The following PALM2AKAP2 variants were observed in gnomAD, a reference collection of about 807,000 sequenced individuals.
The protein encoded by PALM2AKAP2 is PALM2-AKAP2 fusion protein.
In PALM2AKAP2, 37 loss-of-function variants were observed where a neutral mutation model predicts 71.5. That is an observed-to-expected ratio of 0.52 (90% CI 0.40 to 0.68). The LOEUF (loss-of-function observed/expected upper bound fraction) is 0.68, where lower values mean the gene tolerates loss of function less well. Among genes scored for constraint, PALM2AKAP2 ranks in the 30% least tolerant of loss-of-function variants. The pLI is 0.00. For synonymous variants in PALM2AKAP2, 468 were observed against 478.8 expected, an observed-to-expected ratio of 0.98 and a Z score of 0.29; for missense variants, 1,224 against 1,191.8, an observed-to-expected ratio of 1.03 and a Z score of -0.40.
intron 1 of PALM2AKAP2, among the ~76,000 whole-genome samples, chr9:110,101,657 G>A (rs1835004199): frequency 6.6e-6 from 1 of 152,154 alleles, no homozygotes; most frequent in African/African-American, 2.4e-5. Context: ...TCATTGGGCA[G>A]CTGTTGCTGT....
rs201715579 is a variant in PALM2AKAP2, at chr9:110,168,386, C to T, written c.2749-13C>T. 5.3e-5 allele frequency: 86 copies of T among 1,609,810 alleles called. No homozygotes were observed. The East Asian group carries it at 1.9e-3, about 35-fold the overall frequency. ...CCATGAACTCTGCATAATTTTTTCC[C>T]CTCTCTTTACAGGTCCTCGAGGCCA... On this transcript the variant is annotated splice_polypyrimidine_tract_variant and intron_variant, in intron 3 of 3. Coordinates refer to ENST00000374525, the Ensembl canonical transcript of PALM2AKAP2.
At chr9:109,821,004 A>G (rs1564163921) in intron 1 of PALM2AKAP2, among the ~76,000 whole-genome samples, 1 of 152,202 alleles carries the variant, frequency 6.6e-6, no homozygotes, top group Non-Finnish European at 1.5e-5. Context: ...TCTAGATATA[A>G]CACAGCATCC....
At chr9:110,011,948 GAC>G (rs1832891851) in intron 6 of PALM2AKAP2, among the ~76,000 whole-genome samples, 1 of 152,204 alleles carries the variant, frequency 6.6e-6, no homozygotes, top group Non-Finnish European at 1.5e-5. Flanking sequence ...ATTACATCAT[GAC>G]ACAGCATAAT....
At chr9:110,140,077 T>C (rs1314258012) in intron 2 of PALM2AKAP2, among the ~76,000 whole-genome samples, 2 of 152,226 alleles carry the variant, frequency 1.3e-5, no homozygotes, top group African/African-American at 4.8e-5. Flanking sequence ...TTAATATACA[T>C]TTTGTAGGGC....
chr9:110,156,616 T>C (rs1012457367), intron 3 of PALM2AKAP2, 119 bp downstream of exon 9: 9 of 1,318,360 alleles, frequency 6.8e-6, no homozygotes, highest in Non-Finnish European at 8.9e-6. Flanking sequence ...AGGGTTCCAG[T>C]ATCAGTTTTC....
intron 6 of PALM2AKAP2, among the ~76,000 whole-genome samples, chr9:109,953,834 C>CAAAAAAA (rs34719180): frequency 3.1e-4 from 15 of 48,578 alleles, no homozygotes; most frequent in East Asian, 1.1e-3. Context: ...GACTCCATCT[C>CAAAAAAA]AAAAAAAAAA....
At chr9:110,092,741 T>G (rs192163217) in intron 1 of PALM2AKAP2, among the ~76,000 whole-genome samples, 2 of 152,310 alleles carry the variant, frequency 1.3e-5, no homozygotes, top group Non-Finnish European at 2.9e-5. Context: ...GTTATCCGCC[T>G]CTCTTTCCCC....
At chr9:109,924,268 A>G (rs539752146) in intron 4 of PALM2AKAP2, among the ~76,000 whole-genome samples, 1 of 152,356 alleles carries the variant, frequency 6.6e-6, no homozygotes, top group East Asian at 1.9e-4. Context: ...CACCTTATGA[A>G]GTGGACAAGA....
At chr9:109,931,833 C>T (rs1831108676) in intron 5 of PALM2AKAP2, 94 bp from the exon 6 acceptor site, 4 of 1,395,480 alleles carry the variant, frequency 2.9e-6, no homozygotes, top group Non-Finnish European at 4.0e-6. Flanking sequence ...CTCAGCGGTC[C>T]ATTATGTAGG....
At chr9:110,170,998 T>A (rs12685208) in exon 4 of PALM2AKAP2, 1 of 152,348 alleles carries the variant, frequency 6.6e-6, no homozygotes, top group Non-Finnish European at 1.5e-5. Flanking sequence ...ATGCGCTTCA[T>A]GTTTTCTCTG....
chr9:109,689,572 A>G (rs985306135), intron 1 of PALM2AKAP2, among the ~76,000 whole-genome samples: 1 of 152,228 alleles, frequency 6.6e-6, no homozygotes, highest in Non-Finnish European at 1.5e-5. Flanking sequence ...TTTTAGGAGA[A>G]CACAATAAAT....
intron 3 of PALM2AKAP2, among the ~76,000 whole-genome samples, chr9:109,893,040 C>G (rs1410237147): frequency 2.0e-5 from 3 of 152,156 alleles, no homozygotes; most frequent in Non-Finnish European, 4.4e-5. Flanking sequence ...CATTCCAGAA[C>G]TCGGGCCCGG....
At chr9:109,840,953 G>A (rs1273943845) in intron 1 of PALM2AKAP2, among the ~76,000 whole-genome samples, 1 of 152,240 alleles carries the variant, frequency 6.6e-6, no homozygotes, top group Non-Finnish European at 1.5e-5. Context: ...GTGGAAGACA[G>A]TGTGGCGATA....
chr9:109,649,547 A>G (rs1827198049), intron 1 of PALM2AKAP2, among the ~76,000 whole-genome samples: 1 of 152,210 alleles, frequency 6.6e-6, no homozygotes, highest in South Asian at 2.1e-4. Flanking sequence ...TATGGAGAGT[A>G]GTTTATCAGA....
exon 2 of PALM2AKAP2, chr9:110,137,853 G>A: frequency 1.2e-6 from 2 of 1,614,148 alleles, no homozygotes; most frequent in South Asian, 2.2e-5. Flanking sequence ...CGAGGAGAAG[G>A]CGTCTCCAAG....
chr9:110,127,681 C>T (rs1835642157), intron 1 of PALM2AKAP2: 1 of 152,316 alleles, frequency 6.6e-6, no homozygotes, highest in Non-Finnish European at 1.5e-5. Context: ...GTCCCAGCTC[C>T]TTCTCCTTCC....
chr9:110,059,133 C>G (rs1486600535), intron 1 of PALM2AKAP2, among the ~76,000 whole-genome samples: 5 of 152,142 alleles, frequency 3.3e-5, no homozygotes, highest in Admixed American at 2.6e-4. Flanking sequence ...CTCCTGACCT[C>G]AAGTGATCCG....
chr9:109,747,909 G>T (rs907865469), intron 1 of PALM2AKAP2, among the ~76,000 whole-genome samples: 2 of 152,168 alleles, frequency 1.3e-5, no homozygotes, highest in Non-Finnish European at 2.9e-5. Context: ...GAGCTGAAGC[G>T]ATCTGCCTGC....
intron 6 of PALM2AKAP2, among the ~76,000 whole-genome samples, chr9:109,936,070 GT>G (rs376724661): frequency 8.2e-4 from 124 of 151,862 alleles, no homozygotes; most frequent in African/African-American, 2.7e-3. Flanking sequence ...TTTGATCACT[GT>G]TTTTTTTGGG....
Sources: gnomAD v4.1 joint callset for allele counts (sites outside exome capture counted in the v4.1 genomes callset) on GRCh38, gnomAD v4.1.1 for gene constraint, MANE v1.5 for transcripts, NCBI Gene and HGNC (gene_info 2026-07-23, HGNC 2026-07-21) for gene names.